The following NPHS1 variants were observed in gnomAD, a reference collection of about 807,000 sequenced individuals.
NPHS1 encodes NPHS1 adhesion molecule, nephrin.
Under a neutral mutation model 139.7 loss-of-function variants are expected in NPHS1, and 107 were observed. The ratio of observed to expected loss-of-function variants is 0.77; its 90% CI spans 0.66 to 0.90. The LOEUF (loss-of-function observed/expected upper bound fraction) is 0.90, where lower values mean the gene tolerates loss of function less well. NPHS1 is among the 40% of genes least tolerant of loss of function. The pLI is 0.00. For synonymous variants in NPHS1, 707 were observed against 706.6 expected, an observed-to-expected ratio of 1.00 and a Z score of -0.01; for missense variants, 1,580 against 1,654.2, an observed-to-expected ratio of 0.96 and a Z score of 0.78.
intron 23 of NPHS1, 79 bp from the exon 24 acceptor site, chr19:35,831,841 G>A (rs1340025354): frequency 6.8e-7 from 1 of 1,461,542 alleles, no homozygotes; most frequent in Non-Finnish European, 9.3e-7. Context: ...AGAAAGTGTA[G>A]CCCTGACCAA....
At chr19:35,839,182 C>T in intron 22 of NPHS1, 55 bp downstream of exon 22, 2 of 1,551,804 alleles carry the variant, frequency 1.3e-6, no homozygotes, top group Non-Finnish European at 8.9e-7. Context: ...CTTCACCATA[C>T]TACCCTACAC....
At chr19:35,844,699 G>T (rs148423357) in intron 14 of NPHS1, among the ~76,000 whole-genome samples, 2 of 152,282 alleles carry the variant, frequency 1.3e-5, no homozygotes, top group African/African-American at 4.8e-5. Flanking sequence ...GGAGTCATGA[G>T]GGGGGTTAGG....
At position 35,844,310 on chromosome 19, in the gene NPHS1, T is replaced by C; in HGVS notation, c.2071+9A>G. 6.2e-7 allele frequency: 1 copy of C among 1,613,960 alleles called. No homozygotes were observed. Among genetic ancestry groups the C allele is most frequent in the Non-Finnish European group, 8.5e-7 (1 of 1,179,936 alleles). The stretch of plus-strand genomic sequence containing the variant: ...CCCCGGGACCCCTCCCCATGACCAC[T>C]TCCCTCACCTGGACTGAGGCGATAG... On this transcript the variant is annotated intron_variant, in intron 15 of 28. Transcript: ENST00000378910.
In NPHS1 at chr19:35,848,378, A is replaced by G; in HGVS notation, c.1190T>C (p.Ile397Thr). 6.2e-7 allele frequency: 1 copy of G among 1,614,100 alleles called. No individual in the cohort carries two copies. The highest frequency in any genetic ancestry group is 2.2e-5 in the East Asian group (1 of 44,878). Residue 397 changes from isoleucine to threonine, a missense_variant, in exon 10 of 29, where the codon ATC (isoleucine) becomes ACC (threonine). Transcript: ENST00000378910. Reference protein sequence around the residue: ...TVMDGLHGGHISMSNLTFLAR... With the variant: ...TVMDGLHGGHTSMSNLTFLAR... ...CAGGAATGTCAGGTTGGACATGGAG[A>G]TGTGACCGCCATGCAGTCCCTGGCA...
rs774552544 is a variant in NPHS1, at chr19:35,845,804, A to G, written c.1628-6T>C. 6.2e-7 allele frequency: 1 copy of G among 1,611,880 alleles called. No individual in the cohort carries two copies. The highest frequency in any genetic ancestry group is 2.2e-5 in the East Asian group (1 of 44,806). ...CGTCACGTTAGTTGGGGGAACTGGG[A>G]GACGGGGTTGGAGGAGCGAGACTCA... On this transcript the variant is annotated splice_region_variant and splice_polypyrimidine_tract_variant and intron_variant, in intron 12 of 28. Coordinates refer to ENST00000378910, the MANE Select transcript of NPHS1 (RefSeq NM_004646.4). This position sits in a 1 kb window ranked among gnomAD's most constrained non-coding sequence, Gnocchi z 5.5.
At chr19:35,850,641 T>C (rs1040253752) in intron 4 of NPHS1, among the ~76,000 whole-genome samples, 196 bp from the exon 5 acceptor site, 3 of 152,184 alleles carry the variant, frequency 2.0e-5, no homozygotes, top group Admixed American at 6.5e-5. Context: ...TGCTGGGTCC[T>C]GGGCCTCCCC....
chr19:35,837,716 C>T (rs763304803), intron 22 of NPHS1, among the ~76,000 whole-genome samples: 1 of 151,964 alleles, frequency 6.6e-6, no homozygotes, highest in Non-Finnish European at 1.5e-5. Flanking sequence ...GATTCTCTTG[C>T]CTCAGCCTCC....
At position 35,830,912 on chromosome 19, in the gene NPHS1, A is replaced by G; in HGVS notation, c.3526T>C (p.Tyr1176His). The G allele has an allele frequency of 1.9e-6, 3 of 1,614,044 alleles. No individual in the cohort carries two copies. Among genetic ancestry groups the G allele is most frequent in the Non-Finnish European group, 2.5e-6 (3 of 1,179,916 alleles). ...DEDMAFPGHL[Y>H]DEVERTYPPS... ...GGGTACGTTCTTTCTACCTCATCAT[A>G]CAAGTGCCCAGGGAAGGCCATATCC... Residue 1176 changes from tyrosine (Y) to histidine (H), a missense_variant, in exon 28 of 29, where the codon TAT becomes CAT. Coordinates refer to ENST00000378910, the MANE Select transcript of NPHS1 (RefSeq NM_004646.4).
At chr19:35,851,159 A>T in intron 3 of NPHS1, 70 bp from the exon 4 acceptor site, 1 of 1,613,450 alleles carries the variant, frequency 6.2e-7, no homozygotes, top group South Asian at 1.1e-5. Context: ...TTCGGTACCC[A>T]GAGTCTGGGA....
chr19:35,834,418 G>C (rs1318656568), intron 23 of NPHS1, among the ~76,000 whole-genome samples: 4 of 152,294 alleles, frequency 2.6e-5, no homozygotes. Flanking sequence ...TGTTCCGCCA[G>C]ACTCAGAATC....
At position 35,831,371 on chromosome 19, in the gene NPHS1, C is replaced by A. The variant is rs757889692; in HGVS notation, c.3312G>T (p.Gly1104=). 4 of 1,614,092 alleles carry A rather than the reference C, an allele frequency of 2.5e-6. No individual in the cohort carries two copies. The Admixed American group carries it at 6.7e-5, about 27-fold the overall frequency. Residue 1104 remains glycine (G), a splice_region_variant and synonymous_variant, in exon 26 of 29, where the codon GGG becomes GGT. Coordinates refer to ENST00000378910, the MANE Select transcript of NPHS1 (RefSeq NM_004646.4). ...AEGISEKTEA[G]SEEDRVRNEY... is the part of the protein sequence containing the mutation. ...CGTTCCTGACTCGGTCCTCTTCCGA[C>A]CTTCCAGGATGAAGGTGTGGGGGGA...
intron 22 of NPHS1, among the ~76,000 whole-genome samples, chr19:35,836,021 G>A (rs565182260): frequency 6.9e-4 from 101 of 145,488 alleles, no homozygotes; most frequent in Non-Finnish European, 1.2e-3. Flanking sequence ...GTGCAGTGGC[G>A]CAATCTCAGC....
rs1298488935 is a variant in NPHS1 at position 35,839,268 on chromosome 19, G to A, written c.3078C>T (p.Asp1026=). Residue 1026 remains aspartate (D), a synonymous_variant, in exon 22 of 29, where the codon GAC becomes GAT. Transcript: ENST00000378910. ...TAGTGATGGGAAGCTGGGTCCCTTT[G>A]TCAGCCAGTCCACTGTCCCCCAAGG... The part of the protein sequence containing the change: ...SNALGDSGLA[D]KGTQLPITTP... 1 of 1,614,180 alleles carries A rather than the reference G, an allele frequency of 6.2e-7. No individual in the cohort carries two copies. Among genetic ancestry groups the A allele is most frequent in the East Asian group, 2.2e-5 (1 of 44,886 alleles).
At chr19:35,840,618 G>A (rs187006668) in intron 20 of NPHS1, among the ~76,000 whole-genome samples, 26 of 151,860 alleles carry the variant, frequency 1.7e-4, no homozygotes, top group Non-Finnish European at 3.4e-4. Context: ...ACAGGTGTGA[G>A]CCACTGCACC....
In NPHS1 at chr19:35,845,336, A is replaced by T. The variant is rs775018908; in HGVS notation, c.1930+32T>A. 49 of 1,613,202 alleles carry T rather than the reference A, an allele frequency of 3.0e-5. No homozygotes were observed. The highest frequency in any genetic ancestry group is 2.7e-4 in the Admixed American group (16 of 60,010). On this transcript the variant is annotated intron_variant, in intron 14 of 28. Transcript: ENST00000378910. The surrounding 1 kb of genome is among the most constrained non-coding windows in gnomAD (Gnocchi z 5.5). ...AGGAGTAGTTTAGGGTCAAGAAGGC[A>T]TCGAGAGGGGCTTTCAGGCCGGGGC...
intron 28 of NPHS1, among the ~76,000 whole-genome samples, chr19:35,828,274 C>CT (rs1032302670): frequency 8.9e-4 from 134 of 150,776 alleles, no homozygotes; most frequent in African/African-American, 2.8e-3. Context: ...TTTTCTTTTT[C>CT]TTTTTTTTTG....
At chr19:35,844,512 G>A (rs1224203457) in intron 14 of NPHS1, 53 bp from the exon 15 acceptor site, 1 of 1,532,484 alleles carries the variant, frequency 6.5e-7, no homozygotes, top group Non-Finnish European at 8.8e-7. Context: ...TTAGGGTCAA[G>A]GACAGATTGG....
intron 28 of NPHS1, 45 bp downstream of exon 28, chr19:35,830,786 AGGAGGTAGGCTCC>A: frequency 4.7e-6 from 5 of 1,053,222 alleles, no homozygotes; most frequent in Non-Finnish European, 7.5e-6. Flanking sequence ...TACAAGCAAT[AGGAGGTAGGCTCC>A]CAGCACTAGC....
rs71167570 is a variant in NPHS1, at chr19:35,835,199, C to CA, written c.3166+505dup. ...TGGGCAACAGAATGAGACTCTGTCTCAAAAAAAAAAAAAAAAAAAAGAAAG... is the reference window on the plus strand; with the variant it reads ...TGGGCAACAGAATGAGACTCTGTCTCAAAAAAAAAAAAAAAAAAAAAGAAAG... On this transcript the variant is annotated intron_variant, in intron 23 of 28. Coordinates refer to ENST00000378910, the MANE Select transcript of NPHS1 (RefSeq NM_004646.4). Among the ~76,000 whole-genome samples the CA allele has an allele frequency of 8.3e-3, 586 of 71,028 alleles. 7 individuals are homozygous for CA. The highest frequency in any genetic ancestry group is 0.021 in the African/African-American group (385 of 18,708). The allele number at this position is 71,028 out of a possible 152,430, so 46.6% of individuals were successfully genotyped here.
Sources: allele counts gnomAD v4.1 joint callset (sites outside exome capture counted in the v4.1 genomes callset), GRCh38; gene constraint gnomAD v4.1.1; non-coding constraint Gnocchi (gnomAD v3.1); transcripts MANE v1.5; gene names NCBI Gene and HGNC (gene_info 2026-07-23, HGNC 2026-07-21).